ACSL3: variants seen among roughly 807,000 people sequenced by gnomAD.
ACSL3 encodes the protein fatty acid CoA ligase Acsl3.
Under a neutral mutation model 84.7 loss-of-function variants are expected in ACSL3, and 34 were observed. The ratio of observed to expected loss-of-function variants is 0.40; its 90% CI spans 0.31 to 0.53. The LOEUF (loss-of-function observed/expected upper bound fraction) is 0.53. ACSL3 is among the 20% of genes least tolerant of loss of function. The probability of loss-of-function intolerance (pLI) is 0.48; values close to 1 mark genes in which losing one functional copy is unlikely to be tolerated. For missense variants in ACSL3, 680 were observed against 873.1 expected, an observed-to-expected ratio of 0.78 and a Z score of 2.79; for synonymous variants, 315 against 299.4, an observed-to-expected ratio of 1.05 and a Z score of -0.54.
intron 3 of ACSL3, among the ~76,000 whole-genome samples, chr2:222,908,132 A>G (rs1696344080): frequency 1.3e-5 from 2 of 152,266 alleles, no homozygotes; most frequent in South Asian, 2.1e-4. Context: ...TGGATTTTCA[A>G]TAAATCTGAT....
At chr2:222,903,291 G>C (rs1395522386) in intron 3 of ACSL3, among the ~76,000 whole-genome samples, 1 of 152,136 alleles carries the variant, frequency 6.6e-6, no homozygotes, top group Non-Finnish European at 1.5e-5. Flanking sequence ...ACAAGTGTGT[G>C]CCACCATACC....
intron 1 of ACSL3, among the ~76,000 whole-genome samples, chr2:222,873,010 A>C (rs1429605257): frequency 2.0e-5 from 3 of 152,214 alleles, no homozygotes; most frequent in Admixed American, 2.0e-4. Flanking sequence ...CATTGAGAGT[A>C]GACTGGGAAG....
rs1214938915 is a variant in ACSL3 at position 222,932,854 on chromosome 2, C to G, written c.1733-312C>G. Among the ~76,000 whole-genome samples, 2 of 36,878 alleles carry G rather than the reference C, an allele frequency of 5.4e-5. 1 individual carries two copies. The highest frequency in any genetic ancestry group is 8.5e-5 in the Non-Finnish European group (2 of 23,534). The allele number at this position is 36,878 out of a possible 152,430, so 24.2% of individuals were successfully genotyped here. ...GCTGAGGCAGGAGAATGGCGTGAAC[C>G]CGGGAAGCGGAGCTTGCAGTGAGCC... On this transcript the variant is annotated intron_variant, in intron 14 of 16. Transcript: ENST00000357430.
rs537050921 is a variant in ACSL3 at position 222,913,310 on chromosome 2, A to T, written c.379-3009A>T. ...TGTTATTTCTTAGTCACATTTTTTT[A>T]CCCTGTTTGTGTATGTGTATAAAAC... On this transcript the variant is annotated intron_variant, in intron 4 of 16. Coordinates refer to ENST00000357430, the MANE Select transcript of ACSL3 (RefSeq NM_004457.5). 5.3e-5 allele frequency among the ~76,000 whole-genome samples: 8 copies of T among 151,980 alleles called. No individual in the cohort carries two copies. In the East Asian group the frequency reaches 1.5e-3, roughly 29 times the overall value.
intron 15 of ACSL3, among the ~76,000 whole-genome samples, 188 bp from the exon 16 acceptor site, chr2:222,934,342 G>A (rs1697115468): frequency 6.6e-6 from 1 of 152,176 alleles, no homozygotes; most frequent in South Asian, 2.1e-4. Flanking sequence ...CTCTGCCAAA[G>A]CATTGGAAAA....
chr2:222,875,976 A>T (rs1695436851), intron 1 of ACSL3, among the ~76,000 whole-genome samples: 1 of 152,212 alleles, frequency 6.6e-6, no homozygotes, highest in Non-Finnish European at 1.5e-5. Flanking sequence ...TAGAGTGTTT[A>T]CCTCGTTGAA....
chr2:222,875,382 C>T (rs552126027), intron 1 of ACSL3, among the ~76,000 whole-genome samples: 4 of 152,136 alleles, frequency 2.6e-5, no homozygotes, highest in African/African-American at 7.2e-5. Flanking sequence ...CATATCTATT[C>T]GTCATGATTC....
At chr2:222,867,064 A>T (rs932356876) in intron 1 of ACSL3, among the ~76,000 whole-genome samples, 3 of 151,702 alleles carry the variant, frequency 2.0e-5, no homozygotes, top group African/African-American at 7.3e-5. Context: ...CTAACTCCTG[A>T]CCTCGTGATC....
chr2:222,863,689 C>T (rs1262068961), intron 1 of ACSL3, among the ~76,000 whole-genome samples: 1 of 152,140 alleles, frequency 6.6e-6, no homozygotes, highest in Non-Finnish European at 1.5e-5. Context: ...TCCATTGTAG[C>T]ATACGCTTCA....
At chr2:222,870,464 G>A (rs1012503751) in intron 1 of ACSL3, among the ~76,000 whole-genome samples, 1 of 152,186 alleles carries the variant, frequency 6.6e-6, no homozygotes, top group Non-Finnish European at 1.5e-5. Context: ...ATATTGAGAT[G>A]TACAATTGTT....
chr2:222,891,354 T>C (rs1695841227), intron 2 of ACSL3, among the ~76,000 whole-genome samples: 1 of 152,234 alleles, frequency 6.6e-6, no homozygotes, highest in African/African-American at 2.4e-5. Context: ...TAAGATTTAG[T>C]GACCTGCTCA....
chr2:222,865,582 A>G (rs1473088719), intron 1 of ACSL3, among the ~76,000 whole-genome samples: 1 of 152,244 alleles, frequency 6.6e-6, no homozygotes, highest in Non-Finnish European at 1.5e-5. Flanking sequence ...AAGGTATATG[A>G]GCAAATATAT....
At chr2:222,917,949 C>A in intron 5 of ACSL3, 97 bp from the exon 6 acceptor site, 1 of 831,130 alleles carries the variant, frequency 1.2e-6, no homozygotes, top group African/African-American at 1.7e-5. Context: ...CAGTTTAGGG[C>A]TCCTAATGCG....
chr2:222,868,801 G>T (rs753899165), intron 1 of ACSL3, among the ~76,000 whole-genome samples: 1 of 151,812 alleles, frequency 6.6e-6, no homozygotes, highest in Non-Finnish European at 1.5e-5. Context: ...GTGAAATCCC[G>T]TCTCTACTAA....
At chr2:222,868,616 A>G (rs570562581) in intron 1 of ACSL3, among the ~76,000 whole-genome samples, 22 of 152,278 alleles carry the variant, frequency 1.4e-4, no homozygotes, top group Admixed American at 1.2e-3. Flanking sequence ...CCATAAGTTG[A>G]GGTACATTAA....
At chr2:222,910,573 C>T (rs6705231) in intron 4 of ACSL3, among the ~76,000 whole-genome samples, 13,367 of 152,148 alleles carry the variant, frequency 0.088, 920 homozygotes, top group African/African-American at 0.18. Flanking sequence ...ATTAATTTTG[C>T]CACTTAAACA....
intron 8 of ACSL3, among the ~76,000 whole-genome samples, 196 bp downstream of exon 8, chr2:222,921,626 T>C (rs1696741923): frequency 6.6e-6 from 1 of 152,192 alleles, no homozygotes; most frequent in African/African-American, 2.4e-5. Flanking sequence ...AAATATATCA[T>C]ATAGATATAT....
chr2:222,932,477 C>T (rs890463553), intron 14 of ACSL3, among the ~76,000 whole-genome samples: 39 of 152,148 alleles, frequency 2.6e-4, no homozygotes, highest in Non-Finnish European at 3.8e-4. Flanking sequence ...TACAGGTGTG[C>T]ACCACCACGC....
chr2:222,919,406 T>C, intron 7 of ACSL3: 2 of 426,380 alleles, frequency 4.7e-6, no homozygotes, highest in Non-Finnish European at 8.2e-6. Flanking sequence ...ATTATTAATG[T>C]TTTAAAGGTA....
Sources: allele counts gnomAD v4.1 joint callset (sites outside exome capture counted in the v4.1 genomes callset), GRCh38; gene constraint gnomAD v4.1.1; transcripts MANE v1.5; gene names NCBI Gene and HGNC (gene_info 2026-07-23, HGNC 2026-07-21).